The following TENM3 variants were observed in gnomAD, a reference collection of about 807,000 sequenced individuals.
TENM3 encodes teneurin transmembrane protein 3, also known as teneurin-3.
A neutral mutation model predicts 255.1 loss-of-function variants in TENM3; 63 were observed. The observed-to-expected ratio is 0.25, with a 90% CI of 0.20 to 0.30. TENM3 has a LOEUF of 0.30. Ranked by LOEUF, TENM3 falls within the 10% of genes least tolerant of loss-of-function variation. The pLI is 1.00. For synonymous variants in TENM3, 1,306 were observed against 1,322.3 expected (o/e 0.99, Z 0.27); for missense variants, 2,929 against 3,461.1 (o/e 0.85, Z 3.86).
At chr4:181,620,271 TAAAAATAAAATAAA>T in the TENM3 span, among the ~76,000 whole-genome samples, 3 of 148,578 alleles carry the variant, frequency 2.0e-5, no homozygotes, top group East Asian at 2.0e-4. Context: ...AAAATAAAAA[TAAAAATAAAATAAA>T]ATAAAATAAA....
At chr4:182,666,436 A>G (rs1465139542) in intron 6 of TENM3, among the ~76,000 whole-genome samples, 1 of 152,168 alleles carries the variant, frequency 6.6e-6, no homozygotes, top group African/African-American at 2.4e-5. Context: ...TTATTTTAAG[A>G]AATTGCCACA....
At chr4:182,059,482 T>TA in the TENM3 span, among the ~76,000 whole-genome samples, 20 of 151,770 alleles carry the variant, frequency 1.3e-4, no homozygotes, top group Non-Finnish European at 2.2e-4. Flanking sequence ...TAATTTTACA[T>TA]AAAAAAAGGA....
the TENM3 span, among the ~76,000 whole-genome samples, chr4:181,806,346 A>T: frequency 1.3e-5 from 2 of 152,088 alleles, no homozygotes; most frequent in African/African-American, 4.8e-5. Context: ...TTCCTCCTCG[A>T]CTGTGCTACC....
At chr4:182,210,789 C>A (rs1754973747) in intron 1 of TENM3, among the ~76,000 whole-genome samples, 2 of 152,130 alleles carry the variant, frequency 1.3e-5, no homozygotes, top group African/African-American at 4.8e-5. Context: ...AGGTCTTCCC[C>A]ACTCTTCCTG....
intron 17 of TENM3, among the ~76,000 whole-genome samples, chr4:182,737,743 A>G (rs1305531289): frequency 1.3e-5 from 2 of 152,208 alleles, no homozygotes; most frequent in Non-Finnish European, 1.5e-5. Flanking sequence ...TTAAAATAGA[A>G]CATTGTACTC....
chr4:182,671,290 C>T (rs1487557964), intron 6 of TENM3, among the ~76,000 whole-genome samples: 1 of 152,178 alleles, frequency 6.6e-6, no homozygotes, highest in Non-Finnish European at 1.5e-5. Context: ...GATTCAAACC[C>T]AGGTTTGTCT....
At chr4:182,521,858 T>G (rs1738613185) in intron 3 of TENM3, among the ~76,000 whole-genome samples, 1 of 152,134 alleles carries the variant, frequency 6.6e-6, no homozygotes, top group African/African-American at 2.4e-5. Context: ...CCTGATTCGT[T>G]AGAGTCAAGA....
At chr4:181,536,458 C>T in the TENM3 span, among the ~76,000 whole-genome samples, 1 of 152,190 alleles carries the variant, frequency 6.6e-6, no homozygotes, top group Non-Finnish European at 1.5e-5. Flanking sequence ...TGTGGATTCA[C>T]ATGTTCAAAT....
the TENM3 span, among the ~76,000 whole-genome samples, chr4:181,742,449 C>T: frequency 1.3e-5 from 2 of 151,988 alleles, no homozygotes; most frequent in Non-Finnish European, 2.9e-5. Context: ...GTACCAGGAA[C>T]TATTTCTGGT....
the TENM3 span, among the ~76,000 whole-genome samples, chr4:181,808,170 C>A: frequency 6.6e-6 from 1 of 152,096 alleles, no homozygotes; most frequent in Non-Finnish European, 1.5e-5. Context: ...TTCTAAACTG[C>A]GGCTGGTCAT....
At chr4:182,258,124 A>G (rs1758543419) in intron 1 of TENM3, among the ~76,000 whole-genome samples, 1 of 152,196 alleles carries the variant, frequency 6.6e-6, no homozygotes, top group Non-Finnish European at 1.5e-5. Context: ...TAAAGTATAT[A>G]GAATCATGTA....
upstream of TENM3, chr4:182,142,493 T>G (rs1749518408): frequency 6.0e-6 from 1 of 167,242 alleles, no homozygotes; most frequent in Admixed American, 6.5e-5. Flanking sequence ...GCGTCGTCCT[T>G]GTTCTCCCAG....
At chr4:182,084,428 G>A in the TENM3 span, among the ~76,000 whole-genome samples, 18 of 152,130 alleles carry the variant, frequency 1.2e-4, no homozygotes, top group African/African-American at 2.4e-5. Flanking sequence ...TTTAGAGATA[G>A]TGTTCATTTG....
At chr4:181,641,960 G>A in the TENM3 span, among the ~76,000 whole-genome samples, 5 of 150,534 alleles carry the variant, frequency 3.3e-5, no homozygotes, top group Non-Finnish European at 5.9e-5. Flanking sequence ...ATAGTAGAAT[G>A]ATTTATAATC....
the TENM3 span, among the ~76,000 whole-genome samples, chr4:181,868,685 A>G: frequency 1.3e-5 from 2 of 152,336 alleles, no homozygotes; most frequent in East Asian, 3.9e-4. Context: ...GACTGATTAA[A>G]TTGGTAATTA....
the TENM3 span, among the ~76,000 whole-genome samples, chr4:182,069,962 A>G: frequency 6.6e-6 from 1 of 152,180 alleles, no homozygotes; most frequent in African/African-American, 2.4e-5. Flanking sequence ...GATGTCAGGG[A>G]AAGCTTCCCA....
chr4:181,716,860 TCTC>T, the TENM3 span, among the ~76,000 whole-genome samples: 6 of 152,218 alleles, frequency 3.9e-5, no homozygotes, highest in African/African-American at 1.4e-4. Context: ...ACATATGAAT[TCTC>T]CTTTCTCCAC....
At chr4:181,965,009 C>T in the TENM3 span, among the ~76,000 whole-genome samples, 6 of 152,064 alleles carry the variant, frequency 3.9e-5, no homozygotes, top group African/African-American at 1.4e-4. Flanking sequence ...CAGAGAAAGG[C>T]GACAGAACCT....
the TENM3 span, among the ~76,000 whole-genome samples, chr4:181,582,669 C>CAAA: frequency 1.6e-5 from 2 of 124,720 alleles, no homozygotes; most frequent in African/African-American, 3.1e-5. Flanking sequence ...CAAAACAAAT[C>CAAA]AAAAAAAAAA....
Sources: allele counts gnomAD v4.1 joint callset (sites outside exome capture counted in the v4.1 genomes callset), GRCh38; gene constraint gnomAD v4.1.1; transcripts MANE v1.5; gene names NCBI Gene and HGNC (gene_info 2026-07-23, HGNC 2026-07-21).